The following TGM7 variants were observed in gnomAD, a reference collection of about 807,000 sequenced individuals.
TGM7 encodes the protein transglutaminase 7, also known as protein-glutamine gamma-glutamyltransferase Z.
TGM7 carries 74 observed loss-of-function variants against 79.5 expected under a neutral mutation model. The ratio of observed to expected loss-of-function variants is 0.93; its 90% CI spans 0.77 to 1.13. The LOEUF (loss-of-function observed/expected upper bound fraction) is 1.13. Ranked by LOEUF, TGM7 falls within the 50% of genes most tolerant of loss-of-function variation. TGM7 has a pLI of 0.00. For synonymous variants in TGM7, 354 were observed against 362.5 expected (o/e 0.98, Z 0.27); for missense variants, 912 against 905.9 (o/e 1.01, Z -0.09).
intron 1 of TGM7, among the ~76,000 whole-genome samples, chr15:43,295,602 C>T (rs2042988354): frequency 6.6e-6 from 1 of 152,100 alleles, no homozygotes; most frequent in Admixed American, 6.5e-5. Context: ...AAACATAGAA[C>T]TAGAAAAAAA....
chr15:43,292,096 C>T lies in TGM7; in HGVS notation c.441G>A (p.Glu147=). 1 of 1,612,694 alleles carries T rather than the reference C, an allele frequency of 6.2e-7. No individual in the cohort carries two copies. Among genetic ancestry groups the T allele is most frequent in the East Asian group, 2.2e-5 (1 of 44,874 alleles). ...FILLFNPWSP[E]DDVYLPSEIL... ...TTTCACTTGGCAGGTAGACGTCGTC[C>T]TCTGAGCAGTTAAGAGTAGTGGAGG... is the stretch of plus-strand genomic sequence containing the variant. The change falls in exon 4 of 13, where the codon GAG becomes GAA. Residue 147 remains glutamate, a splice_region_variant and synonymous_variant. Coordinates refer to ENST00000452443, the MANE Select transcript of TGM7 (RefSeq NM_052955.3).
intron 7 of TGM7, among the ~76,000 whole-genome samples, 199 bp downstream of exon 7, chr15:43,284,615 A>G (rs1024881709): frequency 6.6e-6 from 1 of 152,234 alleles, no homozygotes; most frequent in Non-Finnish European, 1.5e-5. Context: ...ATTGTTTTCT[A>G]CCTCTGAAAT....
rs573190677 is a variant in TGM7, at chr15:43,299,933, C to G, written c.10+2308G>C. Among the ~76,000 whole-genome samples, 5 of 152,310 alleles carry G rather than the reference C, an allele frequency of 3.3e-5. No homozygotes were observed. In the South Asian group the frequency reaches 1.0e-3, roughly 32 times the overall value. ...TATTACTTAAAAGTTCAAGTCCAAACTCCTTAGCCAAGCATTCCAAGCCCT... is the reference window on the plus strand; with the variant it reads ...TATTACTTAAAAGTTCAAGTCCAAAGTCCTTAGCCAAGCATTCCAAGCCCT... On this transcript the variant is annotated intron_variant, in intron 1 of 12. Transcript: ENST00000452443.
At chr15:43,279,375 G>A (rs2042894547) in intron 10 of TGM7, 98 bp from the exon 11 acceptor site, 1 of 1,374,546 alleles carries the variant, frequency 7.3e-7, no homozygotes. Context: ...TTTCACGTGA[G>A]AGGTAAAAGT....
Position 43,293,472 on chromosome 15 carries a change from T to A in TGM7, c.170A>T (p.His57Leu). Reference sequence around the variant, plus strand: ...ACCGGTCTCAGCCACAAAGGTGATGTGGTCGTTCTGGGACTGGAAGGGTCG... The same window carrying A: ...ACCGGTCTCAGCCACAAAGGTGATGAGGTCGTTCTGGGACTGGAAGGGTCG... ...FSRPFQSQNDHITFVAETGPK... is the reference protein window; with the variant it reads ...FSRPFQSQNDLITFVAETGPK... Residue 57 changes from histidine (H) to leucine (L), a missense_variant, in exon 2 of 13, where the codon CAC (histidine) becomes CTC (leucine). By Grantham distance (99) the His-to-Leu change is moderately conservative. Transcript: ENST00000452443. The A allele has an allele frequency of 6.2e-7, 1 of 1,607,974 alleles. No individual in the cohort carries two copies. The highest frequency in any genetic ancestry group is 8.5e-7 in the Non-Finnish European group (1 of 1,176,604).
chr15:43,289,101 G>A (rs2042951648), intron 4 of TGM7, among the ~76,000 whole-genome samples: 1 of 151,564 alleles, frequency 6.6e-6, no homozygotes, highest in Non-Finnish European at 1.5e-5. Context: ...TGGGGTACAC[G>A]TGCACAACGT....
At position 43,276,827 on chromosome 15, in the gene TGM7, C is replaced by A. The variant is rs763782036; in HGVS notation, c.1973+35G>T. On this transcript the variant is annotated intron_variant, in intron 12 of 12. Coordinates refer to ENST00000452443, the MANE Select transcript of TGM7 (RefSeq NM_052955.3). Reference sequence around the variant, plus strand: ...GCCATGGGGCACCCCTTTCCTGAGACCAGCAAGGGGGAGGTGGGCAGAAGC... The same window carrying A: ...GCCATGGGGCACCCCTTTCCTGAGAACAGCAAGGGGGAGGTGGGCAGAAGC... 15 of 1,607,510 alleles carry A rather than the reference C, an allele frequency of 9.3e-6. 1 individual carries two copies. Among genetic ancestry groups the A allele is most frequent in the Admixed American group, 1.7e-5 (1 of 59,626 alleles).
rs1233371100 is a variant in TGM7 at position 43,287,477 on chromosome 15, G to A, written c.688-20C>T. 4 of 1,613,254 alleles carry A rather than the reference G, an allele frequency of 2.5e-6. No homozygotes were observed. Among genetic ancestry groups the A allele is most frequent in the Non-Finnish European group, 3.4e-6 (4 of 1,179,454 alleles). ...GTTGATCTGCAGAGGACAGACAGGT[G>A]GGTTTCCACAGCTCCCGGGGAAGCT... On this transcript the variant is annotated intron_variant, in intron 5 of 12. Coordinates refer to ENST00000452443, the MANE Select transcript of TGM7 (RefSeq NM_052955.3).
intron 1 of TGM7, among the ~76,000 whole-genome samples, chr15:43,295,605 G>A (rs533984343): frequency 6.7e-4 from 102 of 151,854 alleles, no homozygotes; most frequent in Non-Finnish European, 1.1e-3. Context: ...CATAGAACTA[G>A]AAAAAAAACT....
At chr15:43,287,208 C>T in intron 6 of TGM7, 72 bp downstream of exon 6, 2 of 1,525,316 alleles carry the variant, frequency 1.3e-6, no homozygotes, top group Non-Finnish European at 1.8e-6. Context: ...GCTACTGAAC[C>T]TTTATGAGCC....
In TGM7 at chr15:43,291,969, A is replaced by C. The variant is rs1434781898; in HGVS notation, c.558+10T>G. 1 of 1,607,522 alleles carries C rather than the reference A, an allele frequency of 6.2e-7. No individual in the cohort carries two copies. Among genetic ancestry groups the C allele is most frequent in the Non-Finnish European group, 8.5e-7 (1 of 1,174,152 alleles). ...GCCCACCCCAGGCCCACATTGGGTA[A>C]TAGTGTTACCTGCCCGTAGTTCCAG... On this transcript the variant is annotated intron_variant, in intron 4 of 12. Coordinates refer to ENST00000452443, the MANE Select transcript of TGM7 (RefSeq NM_052955.3).
At chr15:43,277,539 A>T (rs972739439) in intron 11 of TGM7, among the ~76,000 whole-genome samples, 2 of 152,162 alleles carry the variant, frequency 1.3e-5, no homozygotes, top group African/African-American at 4.8e-5. Flanking sequence ...CCAGCCTAGG[A>T]TCTTTCCCCA....
intron 4 of TGM7, among the ~76,000 whole-genome samples, chr15:43,290,048 T>G (rs2042956154): frequency 6.6e-6 from 1 of 152,342 alleles, no homozygotes; most frequent in South Asian, 2.1e-4. Flanking sequence ...TCTCTTGCTG[T>G]GCAGAAGCTC....
rs1396681781 is a variant in TGM7 at position 43,293,606 on chromosome 15, G to GA, written c.35dup (p.Asp13ArgfsTer51). The stretch of plus-strand genomic sequence containing the variant: ...TGTTGTTCCTGGAGCTCTGCAGGTC[G>GA]ACAGACTCAAGCCGCAAGGTTGCCA... On this transcript the variant is annotated frameshift_variant, in exon 2 of 13. Coordinates refer to ENST00000452443, the MANE Select transcript of TGM7 (RefSeq NM_052955.3). LOFTEE classifies it high-confidence loss of function. The GA allele has an allele frequency of 6.2e-7, 1 of 1,607,780 alleles. No individual in the cohort carries two copies. The highest frequency in any genetic ancestry group is 8.5e-7 in the Non-Finnish European group (1 of 1,178,554).
At chr15:43,282,174 C>T in intron 8 of TGM7, 88 bp from the exon 9 acceptor site, 2 of 1,543,768 alleles carry the variant, frequency 1.3e-6, no homozygotes. Flanking sequence ...AGCGGCACCA[C>T]TGACTCTCAC....
chr15:43,287,602 G>A lies in TGM7; in HGVS notation c.626C>T (p.Pro209Leu), dbSNP rs759885134. ...GTTCCGCTGGGAACAGTCTTTGGCC[G>A]GGTTCTTTAAGTGATACAGGCTCTT... is the stretch of plus-strand genomic sequence containing the variant. ...LNKSLYHLKN[P>L]AKDCSQRNDV... Residue 209 changes from proline to leucine, a missense_variant, in exon 5 of 13, where the codon CCG becomes CTG. Physicochemically the swap from Pro to Leu is moderately conservative, Grantham distance 98. Transcript: ENST00000452443. 12 of 1,613,996 alleles carry A rather than the reference G, an allele frequency of 7.4e-6. No homozygotes were observed. The highest frequency in any genetic ancestry group is 2.2e-5 in the East Asian group (1 of 44,888).
In TGM7 at chr15:43,287,382, C is replaced by T; in HGVS notation, c.763G>A (p.Glu255Lys). ...AGGATGGCCACACTGCCCTTCCACT[C>T]CAGAGGACTGACCCCTTTGGAGTAG... The part of the protein sequence containing the change: ...EDYSKGVSPL[E>K]WKGSVAILQQ... The change falls in exon 6 of 13, where the codon GAG (glutamate) becomes AAG (lysine). Residue 255 changes from glutamate to lysine, a missense_variant. By Grantham distance (56) the Glu-to-Lys change is moderately conservative. Transcript: ENST00000452443. 1 of 1,614,202 alleles carries T rather than the reference C, an allele frequency of 6.2e-7. No individual in the cohort carries two copies. Among genetic ancestry groups the T allele is most frequent in the Non-Finnish European group, 8.5e-7 (1 of 1,180,020 alleles).
chr15:43,298,075 G>A (rs571713686), intron 1 of TGM7, among the ~76,000 whole-genome samples: 41 of 152,180 alleles, frequency 2.7e-4, no homozygotes, highest in Non-Finnish European at 4.1e-4. Context: ...CTCACCAACC[G>A]CCTGAAATGG....
intron 9 of TGM7, among the ~76,000 whole-genome samples, chr15:43,281,519 T>G (rs1680257682): frequency 6.6e-6 from 1 of 152,244 alleles, no homozygotes; most frequent in South Asian, 2.1e-4. Flanking sequence ...ATATTAAAAA[T>G]CATACCCAGT....
Sources: gnomAD v4.1 joint callset for allele counts (sites outside exome capture counted in the v4.1 genomes callset) on GRCh38, gnomAD v4.1.1 for gene constraint, MANE v1.5 for transcripts, NCBI Gene and HGNC (gene_info 2026-07-23, HGNC 2026-07-21) for gene names.